The following RBFOX3 variants were observed in gnomAD, a reference collection of about 807,000 sequenced individuals.
RBFOX3 encodes RNA binding protein fox-1 homolog 3.
Under a neutral mutation model 48.7 loss-of-function variants are expected in RBFOX3, and 17 were observed. That is an observed-to-expected ratio of 0.35 (90% CI 0.24 to 0.52). The LOEUF (loss-of-function observed/expected upper bound fraction) is 0.52. Ranked by LOEUF, RBFOX3 falls within the 20% of genes least tolerant of loss-of-function variation. RBFOX3 has a pLI of 0.94. For synonymous variants in RBFOX3, 212 were observed against 209.5 expected (o/e 1.01, Z -0.10); for missense variants, 382 against 497.5 (o/e 0.77, Z 2.21).
At chr17:79,419,155 G>A (rs1435436182) in intron 2 of RBFOX3, among the ~76,000 whole-genome samples, 3 of 152,080 alleles carry the variant, frequency 2.0e-5, no homozygotes, top group African/African-American at 4.8e-5. Flanking sequence ...TGGGCTGCCC[G>A]GCCATGCCTG....
chr17:79,139,314 G>C (rs2041413383), intron 4 of RBFOX3, among the ~76,000 whole-genome samples: 1 of 152,124 alleles, frequency 6.6e-6, no homozygotes, highest in African/African-American at 2.4e-5. Context: ...AGGAGGAAGA[G>C]CTTGCTATGG....
chr17:79,193,511 C>T (rs982200704), intron 4 of RBFOX3, among the ~76,000 whole-genome samples: 4 of 152,114 alleles, frequency 2.6e-5, no homozygotes, highest in Admixed American at 6.5e-5. Flanking sequence ...TGGATTTATT[C>T]CCCCTGCTCT....
At chr17:79,484,715 G>C (rs1003497993) in intron 1 of RBFOX3, among the ~76,000 whole-genome samples, 3 of 152,100 alleles carry the variant, frequency 2.0e-5, no homozygotes, top group African/African-American at 7.2e-5. Flanking sequence ...GCTTCTCTGC[G>C]ACCTAAGTGC....
At chr17:79,380,362 C>T (rs921201117) in intron 2 of RBFOX3, among the ~76,000 whole-genome samples, 1 of 152,260 alleles carries the variant, frequency 6.6e-6, no homozygotes, top group African/African-American at 2.4e-5. Context: ...CAATTATCTT[C>T]TTCACAGGAA....
chr17:79,294,300 G>A (rs1378179592), intron 3 of RBFOX3, among the ~76,000 whole-genome samples: 3 of 152,090 alleles, frequency 2.0e-5, no homozygotes, highest in Non-Finnish European at 4.4e-5. Context: ...GCCGGACTCC[G>A]GTAGCAGACA....
intron 4 of RBFOX3, among the ~76,000 whole-genome samples, chr17:79,179,527 C>T (rs991255489): frequency 6.6e-6 from 1 of 152,132 alleles, no homozygotes; most frequent in Admixed American, 6.5e-5. Flanking sequence ...CCCTCTCCCC[C>T]GGCCAGCCCC....
chr17:79,565,620 T>A (rs2092428089), intron 1 of RBFOX3, among the ~76,000 whole-genome samples: 1 of 152,160 alleles, frequency 6.6e-6, no homozygotes, highest in Non-Finnish European at 1.5e-5. Context: ...GGGTTACAGG[T>A]GTGAGCCATC....
At chr17:79,359,733 A>ATTT (rs34738864) in intron 2 of RBFOX3, among the ~76,000 whole-genome samples, 20,501 of 148,206 alleles carry the variant, frequency 0.14, 1,698 homozygotes, top group Non-Finnish European at 0.2. Flanking sequence ...AATTTGGGTC[A>ATTT]TTTTTTTTTT....
In RBFOX3 at chr17:79,436,205, G is replaced by A. The variant is rs2069416032; in HGVS notation, c.-175+46249C>T. On this transcript the variant is annotated intron_variant, in intron 2 of 14. Transcript: ENST00000693108. ...GAGTGGGCACTGTGCAAACGTACAG[G>A]ACATGGGGCTGCCCACAGGATGCCT... is the stretch of plus-strand genomic sequence containing the variant. Among the ~76,000 whole-genome samples, 3 of 152,230 alleles carry A rather than the reference G, an allele frequency of 2.0e-5. No homozygotes were observed. The South Asian group carries it at 6.2e-4, about 31-fold the overall frequency.
intron 4 of RBFOX3, among the ~76,000 whole-genome samples, chr17:79,169,369 C>T (rs889486817): frequency 1.2e-4 from 18 of 152,084 alleles, no homozygotes; most frequent in Non-Finnish European, 1.8e-4. Context: ...CTGGGCTGTG[C>T]GGTGGGCAGT....
intron 1 of RBFOX3, among the ~76,000 whole-genome samples, chr17:79,546,565 C>T (rs138480798): frequency 9.8e-5 from 14 of 142,376 alleles, no homozygotes; most frequent in African/African-American, 3.1e-4. Context: ...GCCCGCTCCA[C>T]GCCCATCCAT....
chr17:79,349,623 T>C (rs1461550138), intron 2 of RBFOX3, among the ~76,000 whole-genome samples: 1 of 152,108 alleles, frequency 6.6e-6, no homozygotes, highest in East Asian at 1.9e-4. Context: ...CAGTCTGATG[T>C]CTGGTGATCC....
intron 1 of RBFOX3, among the ~76,000 whole-genome samples, chr17:79,553,321 C>T (rs913823647): frequency 1.1e-4 from 16 of 152,238 alleles, no homozygotes; most frequent in African/African-American, 3.6e-4. Context: ...GAATAAACTC[C>T]AAGTAAACAC....
chr17:79,490,865 C>T (rs1331438875), intron 1 of RBFOX3, among the ~76,000 whole-genome samples: 3 of 151,084 alleles, frequency 2.0e-5, no homozygotes, highest in Non-Finnish European at 4.4e-5. Flanking sequence ...GTGCCTGGCA[C>T]ACCCCAGGTG....
chr17:79,259,366 G>A (rs1036392022), intron 3 of RBFOX3, among the ~76,000 whole-genome samples: 1 of 152,202 alleles, frequency 6.6e-6, no homozygotes, highest in African/African-American at 2.4e-5. Flanking sequence ...GGTGTGTTCT[G>A]GGGTCCCTGC....
chr17:79,648,286 T>C, the RBFOX3 span, among the ~76,000 whole-genome samples: 13 of 152,238 alleles, frequency 8.5e-5, no homozygotes, highest in East Asian at 2.5e-3. Context: ...GCGGTGCAGA[T>C]GACGTGGGTA....
chr17:79,171,239 C>T (rs2612762), intron 4 of RBFOX3, among the ~76,000 whole-genome samples: 25 of 152,334 alleles, frequency 1.6e-4, no homozygotes, highest in Non-Finnish European at 2.9e-4. Flanking sequence ...TACACAAACA[C>T]GTCATTAGCA....
At chr17:79,573,760 A>C (rs1599191846) in intron 1 of RBFOX3, among the ~76,000 whole-genome samples, 1 of 152,004 alleles carries the variant, frequency 6.6e-6, no homozygotes, top group African/African-American at 2.4e-5. Context: ...CCCCGGCATC[A>C]CCTGCCTCCA....
At chr17:79,187,015 C>G (rs953582632) in intron 4 of RBFOX3, among the ~76,000 whole-genome samples, 1 of 152,246 alleles carries the variant, frequency 6.6e-6, no homozygotes, top group African/African-American at 2.4e-5. Flanking sequence ...TGCCCTGAAT[C>G]TCTTCAGTGT....
Sources: gnomAD v4.1 joint callset for allele counts (sites outside exome capture counted in the v4.1 genomes callset) on GRCh38, gnomAD v4.1.1 for gene constraint, MANE v1.5 for transcripts, NCBI Gene and HGNC (gene_info 2026-07-23, HGNC 2026-07-21) for gene names.